The following ADAMTS12 variants were observed in gnomAD, a reference collection of about 807,000 sequenced individuals.
ADAMTS12 encodes the protein ADAM metallopeptidase with thrombospondin type 1 motif 12, also known as A disintegrin and metalloproteinase with thrombospondin motifs 12.
In ADAMTS12, 118 loss-of-function variants were observed where a neutral mutation model predicts 167.8. That is an observed-to-expected ratio of 0.70 (90% CI 0.61 to 0.82). The LOEUF (loss-of-function observed/expected upper bound fraction) is 0.82, where lower values mean the gene tolerates loss of function less well. Ranked by LOEUF, ADAMTS12 falls within the 40% of genes least tolerant of loss-of-function variation. The probability of loss-of-function intolerance (pLI) is 0.00; values close to 1 mark genes in which losing one functional copy is unlikely to be tolerated. For synonymous variants in ADAMTS12, 704 were observed against 716.9 expected, an observed-to-expected ratio of 0.98 and a Z score of 0.29; for missense variants, 1,916 against 1,998.8, an observed-to-expected ratio of 0.96 and a Z score of 0.79.
chr5:33,882,411 G>A (rs1750477895), intron 1 of ADAMTS12, among the ~76,000 whole-genome samples: 1 of 152,144 alleles, frequency 6.6e-6, no homozygotes. Flanking sequence ...AAAAATGCAA[G>A]ACTGGAACCC....
rs746332452 is a variant in ADAMTS12 at position 33,751,459 on chromosome 5, G to A, written c.579C>T (p.Ile193=). The change falls in exon 3 of 24, where the codon ATC becomes ATT. Residue 193 remains isoleucine, a synonymous_variant. Transcript: ENST00000504830. ...PLVEGGYHPH[I]VYRRQKVPET... Reference sequence around the variant, plus strand: ...CTGGAACTTTCTGCCTCCTGTAAACGATGTGCGGGTGGTACCCTCCCTCAA... The same window carrying A: ...CTGGAACTTTCTGCCTCCTGTAAACAATGTGCGGGTGGTACCCTCCCTCAA... 3.7e-6 allele frequency: 6 copies of A among 1,614,102 alleles called. No individual in the cohort carries two copies. The East Asian group carries it at 6.7e-5, about 18-fold the overall frequency.
chr5:33,573,248 A>G (rs1206736594), intron 19 of ADAMTS12, among the ~76,000 whole-genome samples: 6 of 151,716 alleles, frequency 4.0e-5, no homozygotes, highest in African/African-American at 1.2e-4. Context: ...GGAAAAAACT[A>G]CTTTAAAGTT....
chr5:33,740,527 T>A (rs966625065), intron 3 of ADAMTS12, among the ~76,000 whole-genome samples: 2 of 152,170 alleles, frequency 1.3e-5, no homozygotes, highest in African/African-American at 4.8e-5. Flanking sequence ...GGTACCTGGA[T>A]GACGGGGATG....
At position 33,553,820 on chromosome 5, in the gene ADAMTS12, A is replaced by G. The variant is rs1475059482; in HGVS notation, c.4126-4437T>C. On this transcript the variant is annotated intron_variant, in intron 20 of 23. Coordinates refer to ENST00000504830, the MANE Select transcript of ADAMTS12 (RefSeq NM_030955.4). ...CTGTACCAGAAACCCCTATGACACA[A>G]GTTTACCTATGTAGCAAACCTGCAC... Among the ~76,000 whole-genome samples, 4 of 152,186 alleles carry G rather than the reference A, an allele frequency of 2.6e-5. No homozygotes were observed. The East Asian group carries it at 5.8e-4, about 22-fold the overall frequency.
chr5:33,765,070 G>T (rs1358350011), intron 2 of ADAMTS12, among the ~76,000 whole-genome samples: 1 of 152,172 alleles, frequency 6.6e-6, no homozygotes, highest in African/African-American at 2.4e-5. Context: ...ATACGTGAAT[G>T]ATCTTTTTTC....
At chr5:33,631,036 T>C (rs1739904046) in intron 12 of ADAMTS12, 123 bp from the exon 13 acceptor site, 2 of 1,116,630 alleles carry the variant, frequency 1.8e-6, no homozygotes, top group South Asian at 1.7e-5. Flanking sequence ...CCTTTTCACC[T>C]CCTTGAGACA....
At chr5:33,716,561 A>G (rs1743623146) in intron 3 of ADAMTS12, among the ~76,000 whole-genome samples, 2 of 152,100 alleles carry the variant, frequency 1.3e-5, no homozygotes. Flanking sequence ...CTGTCCTCCT[A>G]TGAATCAGCC....
intron 2 of ADAMTS12, among the ~76,000 whole-genome samples, chr5:33,795,720 C>A (rs1746747283): frequency 6.6e-6 from 1 of 152,070 alleles, no homozygotes; most frequent in African/African-American, 2.4e-5. Context: ...GCCACCTCAG[C>A]CCAAATGTGG....
At chr5:33,697,301 C>G (rs1230537945) in intron 3 of ADAMTS12, among the ~76,000 whole-genome samples, 1 of 152,114 alleles carries the variant, frequency 6.6e-6, no homozygotes, top group East Asian at 1.9e-4. Flanking sequence ...CAGAATCACA[C>G]AAATGATAAA....
intron 2 of ADAMTS12, 83 bp from the exon 3 acceptor site, chr5:33,751,631 T>TA: frequency 7.3e-7 from 1 of 1,365,682 alleles, no homozygotes; most frequent in Non-Finnish European, 1.0e-6. Context: ...ATATAGCTTA[T>TA]GAGTATCTCT....
intron 3 of ADAMTS12, chr5:33,751,176 A>G: frequency 1.8e-6 from 1 of 542,468 alleles, no homozygotes; most frequent in Non-Finnish European, 3.2e-6. Flanking sequence ...TCTCATTAAG[A>G]ATATGCAGAG....
At chr5:33,685,152 C>T (rs746299941) in intron 3 of ADAMTS12, among the ~76,000 whole-genome samples, 1 of 152,224 alleles carries the variant, frequency 6.6e-6, no homozygotes, top group Non-Finnish European at 1.5e-5. Context: ...GCACCCTGGG[C>T]CCCTGGCAGG....
intron 3 of ADAMTS12, among the ~76,000 whole-genome samples, chr5:33,720,242 A>C (rs372120902): frequency 6.6e-6 from 1 of 150,972 alleles, no homozygotes; most frequent in East Asian, 2.0e-4. Flanking sequence ...TTTTTGAATA[A>C]AATGTTAATA....
intron 13 of ADAMTS12, among the ~76,000 whole-genome samples, chr5:33,626,073 T>A (rs1444320545): frequency 1.3e-5 from 2 of 152,230 alleles, no homozygotes; most frequent in Non-Finnish European, 2.9e-5. Context: ...ACTCTGAATA[T>A]GCCAGGCAAT....
At chr5:33,621,270 C>T (rs764554132) in intron 14 of ADAMTS12, among the ~76,000 whole-genome samples, 1 of 151,830 alleles carries the variant, frequency 6.6e-6, no homozygotes, top group Non-Finnish European at 1.5e-5. Flanking sequence ...CGTGGTGTCA[C>T]GCACCTGTAA....
At chr5:33,794,171 C>A (rs768918742) in intron 2 of ADAMTS12, among the ~76,000 whole-genome samples, 2 of 152,210 alleles carry the variant, frequency 1.3e-5, no homozygotes, top group Non-Finnish European at 2.9e-5. Context: ...TCGGAAACTT[C>A]TCCCGCAAAC....
rs561290196 is a variant in ADAMTS12 at position 33,576,652 on chromosome 5, CTTG to C, written c.3371_3373del (p.Thr1124del). The C allele has an allele frequency of 7.0e-5, 113 of 1,614,214 alleles. No individual in the cohort carries two copies. In the East Asian group the frequency reaches 7.4e-4, roughly 11 times the overall value. On this transcript the variant is annotated inframe_deletion, in exon 19 of 24. Transcript: ENST00000504830. ...GCGGGAAGATGACAAGCCAGAACCACTTGTTGTTGTAGCTACAAGGCCTCCCTC... is the reference window on the plus strand; with the variant it reads ...GCGGGAAGATGACAAGCCAGAACCACTTGTTGTAGCTACAAGGCCTCCCTC...
chr5:33,581,985 C>A (rs1050523094), intron 18 of ADAMTS12, among the ~76,000 whole-genome samples: 3 of 152,306 alleles, frequency 2.0e-5, no homozygotes, highest in South Asian at 2.1e-4. Context: ...TGGAACAATT[C>A]ATCCTCCCAG....
intron 21 of ADAMTS12, among the ~76,000 whole-genome samples, chr5:33,547,679 A>G (rs746811099): frequency 3.3e-5 from 5 of 152,166 alleles, no homozygotes; most frequent in Non-Finnish European, 7.4e-5. Context: ...TAGAAAGGAG[A>G]GAAACAGAAG....
Sources: allele counts gnomAD v4.1 joint callset (sites outside exome capture counted in the v4.1 genomes callset), GRCh38; gene constraint gnomAD v4.1.1; transcripts MANE v1.5; gene names NCBI Gene and HGNC (gene_info 2026-07-23, HGNC 2026-07-21).